LRRIQ1: variants seen among roughly 807,000 people sequenced by gnomAD.
LRRIQ1 encodes leucine rich repeats and IQ motif containing 1, also known as leucine-rich repeat- and IQ domain-containing protein 1.
In LRRIQ1, 210 loss-of-function variants were observed where a neutral mutation model predicts 211.9. That is an observed-to-expected ratio of 0.99 (90% CI 0.89 to 1.11). The LOEUF (loss-of-function observed/expected upper bound fraction) is 1.11. LRRIQ1 is among the 50% of genes most tolerant of loss of function. LRRIQ1 has a pLI of 0.00. For missense variants in LRRIQ1, 2,136 were observed against 1,939.5 expected, an observed-to-expected ratio of 1.10 and a Z score of -1.90; for synonymous variants, 699 against 650.1, an observed-to-expected ratio of 1.08 and a Z score of -1.14.
chr12:85,180,420 A>G (rs1046152919), intron 24 of LRRIQ1, among the ~76,000 whole-genome samples: 9 of 151,930 alleles, frequency 5.9e-5, no homozygotes, highest in African/African-American at 2.2e-4. Context: ...GGGATCCCAC[A>G]TATTTTCCCT....
intron 11 of LRRIQ1, among the ~76,000 whole-genome samples, chr12:85,085,380 G>A (rs541546957): frequency 2.0e-5 from 3 of 152,310 alleles, no homozygotes; most frequent in African/African-American, 7.2e-5. Context: ...AGGGGGATCT[G>A]CCACTTGGGT....
At chr12:85,150,435 C>T (rs895164462) in intron 19 of LRRIQ1, among the ~76,000 whole-genome samples, 1 of 151,710 alleles carries the variant, frequency 6.6e-6, no homozygotes. Flanking sequence ...CTTATTTTAA[C>T]AGAAAAGTCA....
At chr12:85,124,785 T>C (rs552100045) in intron 17 of LRRIQ1, 1 of 337,386 alleles carries the variant, frequency 3.0e-6, no homozygotes, top group Non-Finnish European at 5.4e-6. Flanking sequence ...TGCCTTGTAA[T>C]TTCTAAATAA....
intron 19 of LRRIQ1, among the ~76,000 whole-genome samples, chr12:85,150,909 G>T (rs1271197954): frequency 1.3e-5 from 2 of 151,430 alleles, no homozygotes; most frequent in Non-Finnish European, 3.0e-5. Context: ...TTGTGGAAAG[G>T]CTAAATTGAG....
At chr12:85,117,436 A>G (rs1410125150) in intron 15 of LRRIQ1, among the ~76,000 whole-genome samples, 5 of 152,162 alleles carry the variant, frequency 3.3e-5, no homozygotes, top group African/African-American at 1.2e-4. Context: ...GCTTCATATA[A>G]CTCCAAAAAG....
chr12:85,269,635 T>G, the LRRIQ1 span, among the ~76,000 whole-genome samples: 1 of 152,024 alleles, frequency 6.6e-6, no homozygotes, highest in South Asian at 2.1e-4. Flanking sequence ...ATATAGACAG[T>G]GATTTCCTGA....
intron 24 of LRRIQ1, among the ~76,000 whole-genome samples, chr12:85,197,759 C>T (rs1893008186): frequency 1.3e-5 from 2 of 149,580 alleles, no homozygotes; most frequent in Non-Finnish European, 3.0e-5. Flanking sequence ...AACGCACCAG[C>T]ATGGCACATG....
chr12:85,246,949 T>G (rs1380535903), downstream of LRRIQ1, among the ~76,000 whole-genome samples: 1 of 151,462 alleles, frequency 6.6e-6, no homozygotes, highest in East Asian at 1.9e-4. Context: ...AAAATAGGAA[T>G]GATAATAGAA....
chr12:85,116,138 GTTGT>G (rs922372016), intron 15 of LRRIQ1, among the ~76,000 whole-genome samples: 79 of 152,086 alleles, frequency 5.2e-4, no homozygotes, highest in East Asian at 1.7e-3. Flanking sequence ...TTTTTTTGTT[GTTGT>G]TTGTTTGTTT....
intron 11 of LRRIQ1, among the ~76,000 whole-genome samples, chr12:85,082,563 T>C (rs1884413307): frequency 6.6e-6 from 1 of 152,222 alleles, no homozygotes; most frequent in Non-Finnish European, 1.5e-5. Flanking sequence ...CTAGGCTTCA[T>C]GTTGCCTGTA....
chr12:85,167,586 C>G (rs1242792074), intron 24 of LRRIQ1, among the ~76,000 whole-genome samples: 1 of 152,200 alleles, frequency 6.6e-6, no homozygotes, highest in African/African-American at 2.4e-5. Context: ...AGTCTCTCTT[C>G]CATCTTCTCC....
At chr12:85,194,702 T>G (rs1892794872) in intron 24 of LRRIQ1, among the ~76,000 whole-genome samples, 1 of 152,000 alleles carries the variant, frequency 6.6e-6, no homozygotes, top group South Asian at 2.1e-4. Context: ...TAGCACTAAG[T>G]GCCCACAAGA....
intron 15 of LRRIQ1, among the ~76,000 whole-genome samples, chr12:85,116,112 T>C (rs1023222009): frequency 2.6e-5 from 4 of 152,186 alleles, no homozygotes; most frequent in African/African-American, 9.7e-5. Context: ...TATTTCTTAT[T>C]GTACTTAGCA....
chr12:85,088,408 A>G (rs1003852488), intron 11 of LRRIQ1, among the ~76,000 whole-genome samples: 1 of 152,190 alleles, frequency 6.6e-6, no homozygotes, highest in Non-Finnish European at 1.5e-5. Flanking sequence ...CTTTTGGCTT[A>G]GGATTGTGTT....
intron 24 of LRRIQ1, among the ~76,000 whole-genome samples, chr12:85,208,539 T>C (rs1345755567): frequency 6.6e-6 from 1 of 152,040 alleles, no homozygotes; most frequent in Non-Finnish European, 1.5e-5. Flanking sequence ...CTTAAGATAG[T>C]GGATTCATCA....
chr12:85,069,867 C>A (rs1005013774), intron 10 of LRRIQ1, among the ~76,000 whole-genome samples: 6 of 151,784 alleles, frequency 4.0e-5, no homozygotes, highest in East Asian at 1.9e-4. Flanking sequence ...AGGTTGCAAA[C>A]ATTTTCTCCC....
intron 15 of LRRIQ1, 47 bp downstream of exon 15, chr12:85,106,662 C>G (rs1230468560): frequency 7.7e-7 from 1 of 1,292,688 alleles, no homozygotes; most frequent in East Asian, 2.4e-5. Context: ...ATTATAGTTG[C>G]AGAAAAAAGT....
At chr12:85,079,854 T>C (rs527331872) in intron 11 of LRRIQ1, among the ~76,000 whole-genome samples, 10 of 152,246 alleles carry the variant, frequency 6.6e-5, no homozygotes, top group African/African-American at 2.2e-4. Context: ...ATTATTTTTC[T>C]ATTCTTTTAG....
At chr12:85,149,873 A>G (rs1292040671) in intron 19 of LRRIQ1, among the ~76,000 whole-genome samples, 1 of 151,780 alleles carries the variant, frequency 6.6e-6, no homozygotes, top group Non-Finnish European at 1.5e-5. Context: ...TAAACTTTCT[A>G]TTCAGGAAAA....
Sources: gnomAD v4.1 joint callset for allele counts (sites outside exome capture counted in the v4.1 genomes callset) on GRCh38, gnomAD v4.1.1 for gene constraint, MANE v1.5 for transcripts, NCBI Gene and HGNC (gene_info 2026-07-23, HGNC 2026-07-21) for gene names.